C7orf78: variants seen among roughly 807,000 people sequenced by gnomAD.
The protein encoded by C7orf78 is putative uncharacterized protein C7orf78.
the C7orf78 span, among the ~76,000 whole-genome samples, chr7:12,499,149 A>G: frequency 2.0e-5 from 3 of 152,232 alleles, no homozygotes; most frequent in Admixed American, 6.5e-5. Flanking sequence ...TGTAACAACC[A>G]TAGAGACTAG....
chr7:12,486,276 C>T, the C7orf78 span, among the ~76,000 whole-genome samples: 1 of 151,868 alleles, frequency 6.6e-6, no homozygotes, highest in African/African-American at 2.4e-5. Flanking sequence ...TGTATGAGTC[C>T]TAGAAGTTAT....
the C7orf78 span, among the ~76,000 whole-genome samples, chr7:12,534,645 G>A: frequency 6.6e-6 from 1 of 152,008 alleles, no homozygotes; most frequent in Admixed American, 6.6e-5. Context: ...TAAGAAATAG[G>A]CATGTAATCC....
At chr7:12,512,947 C>G in the C7orf78 span, among the ~76,000 whole-genome samples, 1 of 152,022 alleles carries the variant, frequency 6.6e-6, no homozygotes, top group East Asian at 1.9e-4. Context: ...TGGTTTTTCA[C>G]TTTATATGCA....
the C7orf78 span, among the ~76,000 whole-genome samples, chr7:12,486,132 A>T: frequency 6.6e-6 from 1 of 152,118 alleles, no homozygotes; most frequent in African/African-American, 2.4e-5. Context: ...AAAGTGGCCT[A>T]TACAAGTTCA....
chr7:12,523,165 C>T, the C7orf78 span: 1 of 398,220 alleles, frequency 2.5e-6, no homozygotes, highest in Admixed American at 4.4e-5. Context: ...CTGATTTTAG[C>T]TACAAACTGT....
chr7:12,513,017 TCTC>T, the C7orf78 span, among the ~76,000 whole-genome samples: 2 of 150,154 alleles, frequency 1.3e-5, no homozygotes. Flanking sequence ...CAGTTGTAAG[TCTC>T]CTTTTTAATT....
the C7orf78 span, among the ~76,000 whole-genome samples, chr7:12,486,603 T>G: frequency 2.0e-5 from 3 of 152,128 alleles, no homozygotes; most frequent in African/African-American, 7.2e-5. Flanking sequence ...TTTCCATTGA[T>G]TTTACATTTT....
the C7orf78 span, among the ~76,000 whole-genome samples, chr7:12,490,326 A>C: frequency 3.9e-5 from 6 of 152,116 alleles, no homozygotes; most frequent in African/African-American, 1.4e-4. Flanking sequence ...AATAGCTTTT[A>C]CATCATCTAC....
chr7:12,514,849 G>A, the C7orf78 span, among the ~76,000 whole-genome samples: 1 of 151,562 alleles, frequency 6.6e-6, no homozygotes, highest in African/African-American at 2.4e-5. Flanking sequence ...GCTTCTCTGG[G>A]AAAGACTTTA....
At chr7:12,533,969 C>T in the C7orf78 span, among the ~76,000 whole-genome samples, 9 of 152,212 alleles carry the variant, frequency 5.9e-5, no homozygotes, top group Admixed American at 4.6e-4. Flanking sequence ...ATTTCACAGG[C>T]TTCTCAAAAT....
the C7orf78 span, among the ~76,000 whole-genome samples, chr7:12,497,778 G>A: frequency 2.0e-5 from 3 of 151,742 alleles, no homozygotes; most frequent in South Asian, 6.3e-4. Flanking sequence ...ACCTCTGGGG[G>A]CAGGGCACAG....
At chr7:12,504,519 A>G in the C7orf78 span, 175 of 152,226 alleles carry the variant, frequency 1.1e-3, no homozygotes, top group African/African-American at 4.0e-3. Context: ...TTACTCTAAA[A>G]CTTTTATGAA....
the C7orf78 span, chr7:12,528,779 C>G: frequency 1.0e-5 from 4 of 394,646 alleles, no homozygotes; most frequent in Middle Eastern, 6.3e-4. Context: ...AGATTTACAT[C>G]TATAAATTAT....
At chr7:12,490,262 AAT>A in the C7orf78 span, among the ~76,000 whole-genome samples, 15 of 152,084 alleles carry the variant, frequency 9.9e-5, no homozygotes, top group Non-Finnish European at 1.6e-4. Context: ...TTGTAATCAT[AAT>A]AGAGGGATGA....
the C7orf78 span, chr7:12,507,424 C>T: frequency 5.3e-6 from 1 of 189,544 alleles, no homozygotes; most frequent in South Asian, 1.3e-4. Context: ...TAAGAAAAAG[C>T]CATCCAGTGA....
chr7:12,506,968 A>T, the C7orf78 span: 1 of 475,706 alleles, frequency 2.1e-6, no homozygotes, highest in Non-Finnish European at 4.3e-6. Context: ...AACAAAGACA[A>T]CATGAGGAAG....
At chr7:12,500,082 TG>T in the C7orf78 span, among the ~76,000 whole-genome samples, 1 of 112,808 alleles carries the variant, frequency 8.9e-6, no homozygotes, top group African/African-American at 3.4e-5. Context: ...TTCAAAGCAG[TG>T]TGTAGAGGGA....
chr7:12,541,212 A>C, the C7orf78 span: 93 of 152,348 alleles, frequency 6.1e-4, no homozygotes, highest in African/African-American at 2.0e-3. Flanking sequence ...GCTTTCTGTT[A>C]ATGTCCAAAG....
chr7:12,501,294 C>T, the C7orf78 span, among the ~76,000 whole-genome samples: 3 of 147,558 alleles, frequency 2.0e-5, no homozygotes, highest in Middle Eastern at 3.2e-3. Flanking sequence ...TCAAATTGTC[C>T]CTGTTTGCAG....
Sources: gnomAD v4.1 joint callset for allele counts (sites outside exome capture counted in the v4.1 genomes callset) on GRCh38, gnomAD v4.1.1 for gene constraint, MANE v1.5 for transcripts, NCBI Gene and HGNC (gene_info 2026-07-23, HGNC 2026-07-21) for gene names.